The following HTR4 variants were observed in gnomAD, a reference collection of about 807,000 sequenced individuals.
The protein encoded by HTR4 is 5-hydroxytryptamine receptor 4.
In HTR4, 16 loss-of-function variants were observed where a neutral mutation model predicts 36.8. The ratio of observed to expected loss-of-function variants is 0.43; its 90% CI spans 0.29 to 0.66. The LOEUF (loss-of-function observed/expected upper bound fraction) is 0.66, where lower values mean the gene tolerates loss of function less well. Ranked by LOEUF, HTR4 falls within the 30% of genes least tolerant of loss-of-function variation. HTR4 has a pLI of 0.13. For synonymous variants in HTR4, 189 were observed against 185.1 expected (o/e 1.02, Z -0.17); for missense variants, 438 against 490.9 (o/e 0.89, Z 1.02).
At chr5:148,553,140 CAG>C (rs1759779064) in intron 2 of HTR4, among the ~76,000 whole-genome samples, 1 of 152,020 alleles carries the variant, frequency 6.6e-6, no homozygotes, top group Non-Finnish European at 1.5e-5. Flanking sequence ...ATAAGCAAAA[CAG>C]AGAGAAAAAC....
intron 1 of HTR4, among the ~76,000 whole-genome samples, chr5:148,639,861 T>C (rs1753670215): frequency 1.3e-5 from 2 of 152,070 alleles, no homozygotes; most frequent in South Asian, 2.1e-4. Flanking sequence ...ACTTTCACAC[T>C]GGGAGGAAGG....
At chr5:148,576,258 TA>T (rs1222648000) in intron 2 of HTR4, among the ~76,000 whole-genome samples, 1 of 151,592 alleles carries the variant, frequency 6.6e-6, no homozygotes, top group Non-Finnish European at 1.5e-5. Flanking sequence ...GAATATTACT[TA>T]CCATGGAAGT....
chr5:148,561,582 T>C (rs1415146488), intron 2 of HTR4, among the ~76,000 whole-genome samples: 3 of 152,218 alleles, frequency 2.0e-5, no homozygotes, highest in Non-Finnish European at 2.9e-5. Context: ...TCATTTTTTC[T>C]TTATATGTGC....
At chr5:148,519,923 T>G (rs1468299362) in intron 5 of HTR4, among the ~76,000 whole-genome samples, 1 of 152,184 alleles carries the variant, frequency 6.6e-6, no homozygotes, top group Non-Finnish European at 1.5e-5. Context: ...AATACATGTT[T>G]TAGATAAGCT....
At chr5:148,484,315 G>T in intron 6 of HTR4, 1 of 1,613,204 alleles carries the variant, frequency 6.2e-7, no homozygotes. Flanking sequence ...CCTGAGAATG[G>T]ACCCGCTCTG....
At chr5:148,581,039 T>C (rs1761113769) in intron 2 of HTR4, among the ~76,000 whole-genome samples, 1 of 151,806 alleles carries the variant, frequency 6.6e-6, no homozygotes, top group South Asian at 2.1e-4. Context: ...TTTTTAATAA[T>C]AGCCATCCTA....
At chr5:148,468,166 G>T (rs1026699207) in intron 5 of HTR4, among the ~76,000 whole-genome samples, 1 of 152,176 alleles carries the variant, frequency 6.6e-6, no homozygotes, top group African/African-American at 2.4e-5. Context: ...GCCAGGGATT[G>T]GTTGGTGGTT....
intron 6 of HTR4, among the ~76,000 whole-genome samples, chr5:148,496,608 G>C (rs1043893112): frequency 1.1e-4 from 17 of 152,292 alleles, no homozygotes; most frequent in Admixed American, 9.2e-4. Flanking sequence ...GTGAGTAGAA[G>C]CCACAGGGAT....
chr5:148,622,931 C>T (rs1407842855), intron 2 of HTR4, among the ~76,000 whole-genome samples: 1 of 152,100 alleles, frequency 6.6e-6, no homozygotes, highest in African/African-American at 2.4e-5. Context: ...CCCTAAAAAC[C>T]TATTTGTAAA....
chr5:148,558,265 T>C (rs927490402), intron 2 of HTR4, among the ~76,000 whole-genome samples: 3 of 152,150 alleles, frequency 2.0e-5, no homozygotes, highest in African/African-American at 7.2e-5. Flanking sequence ...GAGAATTTTA[T>C]TAACCTTAAA....
chr5:148,587,459 G>C (rs957130804), intron 2 of HTR4, among the ~76,000 whole-genome samples: 5 of 152,054 alleles, frequency 3.3e-5, no homozygotes, highest in Non-Finnish European at 5.9e-5. Context: ...CGGAGGGTTG[G>C]GGGGGTGGTG....
At chr5:148,520,049 T>C (rs180681542) in intron 5 of HTR4, among the ~76,000 whole-genome samples, 1 of 152,316 alleles carries the variant, frequency 6.6e-6, no homozygotes, top group East Asian at 1.9e-4. Flanking sequence ...TATGCATTGA[T>C]TGGCTGATGA....
intron 2 of HTR4, among the ~76,000 whole-genome samples, chr5:148,596,482 G>A (rs983691417): frequency 4.6e-5 from 7 of 152,030 alleles, no homozygotes; most frequent in South Asian, 2.1e-4. Flanking sequence ...CCCCATTCCC[G>A]TTGTCTCTAG....
intron 1 of HTR4, among the ~76,000 whole-genome samples, chr5:148,637,666 A>G (rs1010242400): frequency 2.0e-5 from 3 of 152,184 alleles, no homozygotes; most frequent in Non-Finnish European, 4.4e-5. Flanking sequence ...CAATCGAAGG[A>G]GAGTTAACTT....
Position 148,482,834 on chromosome 5 carries a change from G to A in HTR4, c.*369C>T, listed in dbSNP as rs1755952111. 2.8e-6 allele frequency: 3 copies of A among 1,082,058 alleles called. No individual in the cohort carries two copies. The highest frequency in any genetic ancestry group is 1.6e-5 in the African/African-American group (1 of 61,930). The allele number at this position is 1,082,058 out of a possible 1,614,324, so 67.0% of individuals were successfully genotyped here. On this transcript the variant is annotated 3_prime_UTR_variant, in exon 7 of 7. Transcript: ENST00000377888. ...CCACACAGCAAAGAAGGCGTATTTG[G>A]AGACATCAGTGACCGAGATAGGACG...
intron 5 of HTR4, among the ~76,000 whole-genome samples, chr5:148,514,996 C>A (rs1228314153): frequency 1.3e-5 from 2 of 151,956 alleles, no homozygotes; most frequent in Non-Finnish European, 2.9e-5. Context: ...TGTCTTTTAG[C>A]ATCTATTCTT....
In HTR4 at chr5:148,509,501, A is replaced by G. The variant is rs1456079451; in HGVS notation, c.1031T>C (p.Val344Ala). The change falls in exon 6 of 7, where the codon GTC becomes GCC. Residue 344 changes from valine (V) to alanine (A), a missense_variant. Coordinates refer to ENST00000377888, the MANE Select transcript of HTR4 (RefSeq NM_000870.7). ...YRRPSILGQTVPCSTTTINGS... is the reference protein window; with the variant it reads ...YRRPSILGQTAPCSTTTINGS... The stretch of plus-strand genomic sequence containing the variant: ...ATTAATGGTTGTGGTTGAACAAGGG[A>G]CAGTCTGGCCCAGAATGGAAGGTCT... 6.2e-7 allele frequency: 1 copy of G among 1,613,668 alleles called. No individual in the cohort carries two copies. Among genetic ancestry groups the G allele is most frequent in the South Asian group, 1.1e-5 (1 of 91,046 alleles).
At chr5:148,571,657 T>C (rs1469227216) in intron 2 of HTR4, among the ~76,000 whole-genome samples, 1 of 152,012 alleles carries the variant, frequency 6.6e-6, no homozygotes, top group Non-Finnish European at 1.5e-5. Flanking sequence ...CTAGGCTGTT[T>C]CGATAGACAA....
chr5:148,523,680 T>TCTCAGA (rs1758131949), intron 4 of HTR4, among the ~76,000 whole-genome samples: 1 of 152,086 alleles, frequency 6.6e-6, no homozygotes, highest in Non-Finnish European at 1.5e-5. Context: ...AATATATACT[T>TCTCAGA]TGGATCACAT....
Sources: gnomAD v4.1 joint callset for allele counts (sites outside exome capture counted in the v4.1 genomes callset) on GRCh38, gnomAD v4.1.1 for gene constraint, MANE v1.5 for transcripts, NCBI Gene and HGNC (gene_info 2026-07-23, HGNC 2026-07-21) for gene names.